The following TRIP12 variants were observed in gnomAD, a reference collection of about 807,000 sequenced individuals.
TRIP12 encodes the protein E3 ubiquitin-protein ligase TRIP12.
Under a neutral mutation model 244.2 loss-of-function variants are expected in TRIP12, and 25 were observed. The observed-to-expected ratio is 0.10, with a 90% CI of 0.07 to 0.14. The LOEUF is 0.14. Ranked by LOEUF, TRIP12 falls within the 10% of genes least tolerant of loss-of-function variation. TRIP12 has a pLI of 1.00. For synonymous variants in TRIP12, 905 were observed against 873.1 expected, an observed-to-expected ratio of 1.04 and a Z score of -0.64; for missense variants, 1,677 against 2,486.4, an observed-to-expected ratio of 0.67 and a Z score of 6.92.
chr2:229,922,839 C>G (rs976187855), upstream of TRIP12, among the ~76,000 whole-genome samples: 2 of 152,196 alleles, frequency 1.3e-5, no homozygotes, highest in African/African-American at 2.4e-5. Context: ...CTCTGCCTCC[C>G]CGCGGTGCCG....
intron 2 of TRIP12, among the ~76,000 whole-genome samples, chr2:229,861,472 G>A (rs1374728183): frequency 6.6e-6 from 1 of 152,006 alleles, no homozygotes; most frequent in African/African-American, 2.4e-5. Context: ...TTCCACATAA[G>A]AGCATATACC....
chr2:229,817,068 C>T (rs985597195), intron 9 of TRIP12, among the ~76,000 whole-genome samples: 16 of 152,160 alleles, frequency 1.1e-4, no homozygotes, highest in African/African-American at 3.6e-4. Context: ...TCTGCCAGAG[C>T]TGAGCCATCC....
At chr2:229,791,491 T>C (rs1368273526) in intron 29 of TRIP12, among the ~76,000 whole-genome samples, 1 of 152,198 alleles carries the variant, frequency 6.6e-6, no homozygotes, top group Non-Finnish European at 1.5e-5. Flanking sequence ...TTCAAGCATA[T>C]GTAGCAGACA....
At chr2:229,874,772 GTTTTC>G (rs1439582344) in intron 2 of TRIP12, among the ~76,000 whole-genome samples, 9 of 152,096 alleles carry the variant, frequency 5.9e-5, no homozygotes, top group Admixed American at 3.9e-4. Context: ...GATTAAAATT[GTTTTC>G]TTTAATTTTC....
chr2:229,810,054 T>C (rs773204729), intron 15 of TRIP12, among the ~76,000 whole-genome samples: 1 of 152,212 alleles, frequency 6.6e-6, no homozygotes, highest in Non-Finnish European at 1.5e-5. Context: ...AAGTGATCAA[T>C]ACTCTACTAG....
rs73103525 is a variant in TRIP12, at chr2:229,911,790, T to C, written c.-50+10090A>G. On this transcript the variant is annotated intron_variant, in intron 1 of 41. Transcript: ENST00000675903. ...GTGCAAAGCGAATATTTTATTAGAA[T>C]ATTTAATTTGATTAAACTATGTAAT... Among the ~76,000 whole-genome samples, 802 of 152,288 alleles carry C rather than the reference T, an allele frequency of 5.3e-3. 8 individuals carry two copies. The highest frequency in any genetic ancestry group is 0.019 in the African/African-American group (776 of 41,570).
intron 4 of TRIP12, among the ~76,000 whole-genome samples, chr2:229,850,159 A>C (rs1043558942): frequency 1.3e-5 from 2 of 152,260 alleles, no homozygotes; most frequent in African/African-American, 4.8e-5. Context: ...TTGACCTTGC[A>C]TACAAAACAA....
intron 5 of TRIP12, among the ~76,000 whole-genome samples, chr2:229,839,187 C>T (rs972931163): frequency 1.3e-5 from 2 of 152,130 alleles, no homozygotes; most frequent in African/African-American, 4.8e-5. Flanking sequence ...TAAATGCTTG[C>T]CATGGTGTTA....
chr2:229,885,353 T>C (rs2065794760), intron 1 of TRIP12, among the ~76,000 whole-genome samples: 2 of 152,352 alleles, frequency 1.3e-5, no homozygotes, highest in South Asian at 2.1e-4. Flanking sequence ...TTTACTCATT[T>C]TGTAAAATTT....
chr2:229,859,215 T>A lies in TRIP12; in HGVS notation c.584A>T (p.Glu195Val). ...GGAGCCACTCTTTACACAAGAACTC[T>A]CTGTCCTTTTTCTTTTCTGACTCCG... ...GSRSQKRKRT[E>V]SSCVKSGSGS... The change falls in exon 4 of 42, where the codon GAG becomes GTG. Residue 195 changes from glutamate (E) to valine (V), a missense_variant. Around this residue, in one of 11 missense-constraint regions of TRIP12, gnomAD observed 387 missense variants for 392.6 expected, o/e 0.99. Coordinates refer to ENST00000675903, the MANE Select transcript of TRIP12 (RefSeq NM_001348323.3). 1 of 1,614,182 alleles carries A rather than the reference T, an allele frequency of 6.2e-7. No homozygotes were observed. The highest frequency in any genetic ancestry group is 8.5e-7 in the Non-Finnish European group (1 of 1,180,040).
intron 2 of TRIP12, among the ~76,000 whole-genome samples, chr2:229,862,329 T>C (rs552286064): frequency 6.6e-6 from 1 of 152,344 alleles, no homozygotes; most frequent in South Asian, 2.1e-4. Context: ...TTCAACTCTT[T>C]TTTCTTCAGA....
intron 6 of TRIP12, among the ~76,000 whole-genome samples, chr2:229,831,674 C>A (rs371223659): frequency 6.6e-6 from 1 of 152,048 alleles, no homozygotes; most frequent in South Asian, 2.1e-4. Flanking sequence ...ACTAAAGTGT[C>A]AAAACTAGTG....
intron 1 of TRIP12, among the ~76,000 whole-genome samples, chr2:229,888,782 G>A (rs2066613198): frequency 6.6e-6 from 1 of 152,000 alleles, no homozygotes. Flanking sequence ...CAGCCTGGGG[G>A]ACAGAGCGAG....
chr2:229,920,919 G>A (rs990111487), intron 1 of TRIP12, among the ~76,000 whole-genome samples: 2 of 152,114 alleles, frequency 1.3e-5, no homozygotes, highest in African/African-American at 4.8e-5. Context: ...TGAACTGATG[G>A]ACAAACGTTG....
In TRIP12 at chr2:229,797,629, A is replaced by C. The variant is rs1474172589; in HGVS notation, c.3624+61T>G. The C allele has an allele frequency of 2.5e-6, 4 of 1,587,342 alleles. No homozygotes were observed. In the African/African-American group the frequency reaches 4.1e-5, roughly 16 times the overall value. On this transcript the variant is annotated intron_variant, in intron 24 of 41. Coordinates refer to ENST00000675903, the MANE Select transcript of TRIP12 (RefSeq NM_001348323.3). ...AAGCTAGAGAGTCATGAAGGAAAAGAGTAGCAGGAGATGCTGGGAAGAGAC... is the reference window on the plus strand; with the variant it reads ...AAGCTAGAGAGTCATGAAGGAAAAGCGTAGCAGGAGATGCTGGGAAGAGAC...
intron 3 of TRIP12, among the ~76,000 whole-genome samples, chr2:229,859,798 A>T (rs1218557333): frequency 2.0e-5 from 3 of 152,240 alleles, no homozygotes; most frequent in Non-Finnish European, 4.4e-5. Flanking sequence ...GGTGTTCTTT[A>T]GCCCAAAGAT....
At chr2:229,782,171 T>G (rs1349814543) in intron 34 of TRIP12, among the ~76,000 whole-genome samples, 1 of 152,086 alleles carries the variant, frequency 6.6e-6, no homozygotes, top group Non-Finnish European at 1.5e-5. Flanking sequence ...CAAATTTGGA[T>G]GCACCAACAT....
intron 2 of TRIP12, among the ~76,000 whole-genome samples, chr2:229,861,411 A>G (rs1248205775): frequency 1.3e-5 from 2 of 152,224 alleles, no homozygotes; most frequent in Admixed American, 6.5e-5. Flanking sequence ...CATTCGGGTG[A>G]GATATTAATG....
intron 2 of TRIP12, among the ~76,000 whole-genome samples, chr2:229,867,105 T>TG (rs991767337): frequency 4.1e-4 from 62 of 151,026 alleles, no homozygotes; most frequent in African/African-American, 8.2e-4. Flanking sequence ...GGGTTTTTTT[T>TG]TTTGTTTTTT....
Sources: gnomAD v4.1 joint callset for allele counts (sites outside exome capture counted in the v4.1 genomes callset) on GRCh38, gnomAD v4.1.1 for gene constraint, gnomAD v4.1.1 regional missense constraint, MANE v1.5 for transcripts, NCBI Gene and HGNC (gene_info 2026-07-23, HGNC 2026-07-21) for gene names.